RBFOX1: variants seen among roughly 807,000 people sequenced by gnomAD.
RBFOX1 encodes RNA binding fox-1 homolog 1, also known as RNA binding protein fox-1 homolog 1.
A neutral mutation model predicts 57.7 loss-of-function variants in RBFOX1; 8 were observed. That is an observed-to-expected ratio of 0.14 (90% CI 0.08 to 0.25). RBFOX1 has a LOEUF of 0.25. RBFOX1 is among the 10% of genes least tolerant of loss of function. The probability of loss-of-function intolerance (pLI) is 1.00; values close to 1 mark genes in which losing one functional copy is unlikely to be tolerated. For synonymous variants in RBFOX1, 326 were observed against 222.4 expected, an observed-to-expected ratio of 1.47 and a Z score of -4.15; for missense variants, 611 against 548.5, an observed-to-expected ratio of 1.11 and a Z score of -1.14.
intron 4 of RBFOX1, among the ~76,000 whole-genome samples, chr16:7,412,159 C>T (rs569617778): frequency 6.6e-6 from 1 of 152,236 alleles, no homozygotes; most frequent in Non-Finnish European, 1.5e-5. Context: ...ATTGGCTGGA[C>T]ACCGTCGCTC....
rs533621760 is a variant in RBFOX1, at chr16:6,666,162, TC to T, written c.-16+11513del. On this transcript the variant is annotated intron_variant, in intron 3 of 15. Coordinates refer to ENST00000550418, the MANE Select transcript of RBFOX1 (RefSeq NM_018723.4). ...TGGAACTGTGAGTCTATTAAACCTT[TC>T]TTTCTTTATAAATTATCCAGTCTCA... Among the ~76,000 whole-genome samples, 385 of 152,334 alleles carry T rather than the reference TC, an allele frequency of 2.5e-3. 2 individuals are homozygous for T. Among genetic ancestry groups the T allele is most frequent in the African/African-American group, 8.5e-3 (354 of 41,580 alleles).
chr16:6,983,916 G>A (rs1395761844), intron 3 of RBFOX1, among the ~76,000 whole-genome samples: 1 of 152,138 alleles, frequency 6.6e-6, no homozygotes, highest in Non-Finnish European at 1.5e-5. Context: ...GTAGTAATGT[G>A]TCATAAGAGC....
intron 3 of RBFOX1, among the ~76,000 whole-genome samples, chr16:5,855,667 A>G (rs2057006689): frequency 3.9e-5 from 6 of 152,094 alleles, no homozygotes; most frequent in Admixed American, 3.9e-4. Context: ...TGATGCCTTC[A>G]ACTTTGTTCT....
At chr16:6,965,258 G>C (rs988464595) in intron 3 of RBFOX1, among the ~76,000 whole-genome samples, 4 of 151,958 alleles carry the variant, frequency 2.6e-5, no homozygotes, top group Admixed American at 6.6e-5. Flanking sequence ...GTAAAAAATG[G>C]AGAATTCAGG....
intron 4 of RBFOX1, among the ~76,000 whole-genome samples, chr16:5,880,710 G>C (rs2057741183): frequency 6.6e-6 from 1 of 152,136 alleles, no homozygotes; most frequent in East Asian, 1.9e-4. Flanking sequence ...AACCTCTTCT[G>C]TTTCATGACC....
At chr16:6,849,742 C>G (rs984290661) in intron 3 of RBFOX1, among the ~76,000 whole-genome samples, 1 of 152,104 alleles carries the variant, frequency 6.6e-6, no homozygotes, top group Non-Finnish European at 1.5e-5. Flanking sequence ...CGCCTACATC[C>G]CACATATCCC....
intron 11 of RBFOX1, among the ~76,000 whole-genome samples, chr16:7,633,132 A>G (rs980398091): frequency 2.0e-5 from 3 of 152,204 alleles, no homozygotes; most frequent in Non-Finnish European, 4.4e-5. Flanking sequence ...ATTGAAAAAA[A>G]CAAAACAAAA....
At chr16:7,700,648 C>T (rs2080371977) in intron 14 of RBFOX1, among the ~76,000 whole-genome samples, 1 of 152,098 alleles carries the variant, frequency 6.6e-6, no homozygotes, top group Non-Finnish European at 1.5e-5. Flanking sequence ...AGAAGGATGG[C>T]CTTGAGCTCT....
At chr16:5,291,249 C>G (rs891347157) in intron 1 of RBFOX1, among the ~76,000 whole-genome samples, 4 of 143,420 alleles carry the variant, frequency 2.8e-5, no homozygotes, top group East Asian at 2.1e-4. Flanking sequence ...TAAAGGTGAC[C>G]TTTTATCATT....
chr16:6,257,666 C>A (rs1288565752), intron 1 of RBFOX1, among the ~76,000 whole-genome samples: 1 of 152,132 alleles, frequency 6.6e-6, no homozygotes, highest in Non-Finnish European at 1.5e-5. Flanking sequence ...TAAGTGAGAC[C>A]ATGCGGTATT....
Position 6,256,002 on chromosome 16 carries a change from A to G in RBFOX1, c.-126-60993A>G, listed in dbSNP as rs373868562. On this transcript the variant is annotated intron_variant, in intron 1 of 15. Transcript: ENST00000550418. Reference sequence around the variant, plus strand: ...CAGCAAACCACCATGGCACATGTATATCTATGTAACCTGCACATTCTGCAT... The same window carrying G: ...CAGCAAACCACCATGGCACATGTATGTCTATGTAACCTGCACATTCTGCAT... Among the ~76,000 whole-genome samples the G allele has an allele frequency of 3.6e-4, 54 of 151,358 alleles. 1 individual carries two copies. The highest frequency in any genetic ancestry group is 1.2e-3 in the African/African-American group (51 of 41,248).
intron 1 of RBFOX1, among the ~76,000 whole-genome samples, chr16:5,312,731 A>G (rs919780083): frequency 2.0e-5 from 3 of 152,226 alleles, no homozygotes; most frequent in African/African-American, 7.2e-5. Context: ...CAAACATAGG[A>G]AAAAATTCTC....
At chr16:6,841,859 C>G (rs1404058929) in intron 3 of RBFOX1, among the ~76,000 whole-genome samples, 1 of 152,016 alleles carries the variant, frequency 6.6e-6, no homozygotes, top group Non-Finnish European at 1.5e-5. Flanking sequence ...TTCCAACAGG[C>G]CGGGCGCGGT....
intron 3 of RBFOX1, among the ~76,000 whole-genome samples, chr16:5,811,143 A>ATTTTTTTTTTTTTTTTTTTTTTTT: frequency 9.6e-6 from 1 of 104,558 alleles, no homozygotes; most frequent in Non-Finnish European, 1.8e-5. Context: ...TATGGAACAA[A>ATTTTTTTTTTTTTTTTTTTTTTTT]TTTTTTTTTT....
intron 14 of RBFOX1, among the ~76,000 whole-genome samples, chr16:7,692,572 G>A (rs1055968906): frequency 6.6e-6 from 1 of 152,040 alleles, no homozygotes; most frequent in Admixed American, 6.6e-5. Context: ...ACCTCATTGT[G>A]CCATTTTTAT....
At chr16:6,550,421 C>A (rs2096968646) in intron 2 of RBFOX1, among the ~76,000 whole-genome samples, 1 of 152,270 alleles carries the variant, frequency 6.6e-6, no homozygotes, top group African/African-American at 2.4e-5. Context: ...CAATTCGTGG[C>A]CTCAAGTGAT....
At chr16:6,032,098 T>G (rs1351595323) in intron 1 of RBFOX1, among the ~76,000 whole-genome samples, 5 of 152,130 alleles carry the variant, frequency 3.3e-5, no homozygotes, top group Non-Finnish European at 7.3e-5. Context: ...ACCCTTAGCC[T>G]CTTTCTTAAA....
At chr16:6,403,411 A>G (rs937864618) in intron 2 of RBFOX1, among the ~76,000 whole-genome samples, 3 of 151,820 alleles carry the variant, frequency 2.0e-5, no homozygotes, top group Non-Finnish European at 2.9e-5. Flanking sequence ...TCATCCAGGC[A>G]GGAGTGCAGT....
At chr16:5,405,949 AC>A (rs1441957136) in intron 1 of RBFOX1, among the ~76,000 whole-genome samples, 1 of 152,160 alleles carries the variant, frequency 6.6e-6, no homozygotes, top group Non-Finnish European at 1.5e-5. Context: ...GGAAGAGAGA[AC>A]ATCGGGGACA....
Sources: gnomAD v4.1 joint callset for allele counts (sites outside exome capture counted in the v4.1 genomes callset) on GRCh38, gnomAD v4.1.1 for gene constraint, MANE v1.5 for transcripts, NCBI Gene and HGNC (gene_info 2026-07-23, HGNC 2026-07-21) for gene names.